BRWD1: variants seen among roughly 807,000 people sequenced by gnomAD.
BRWD1 encodes the protein bromodomain and WD repeat-containing protein 1.
BRWD1 carries 82 observed loss-of-function variants against 251.2 expected under a neutral mutation model. That is an observed-to-expected ratio of 0.33 (90% CI 0.27 to 0.39). The LOEUF (loss-of-function observed/expected upper bound fraction) is 0.39. Among genes scored for constraint, BRWD1 ranks in the 10% least tolerant of loss-of-function variants. BRWD1 has a pLI of 1.00. For synonymous variants in BRWD1, 918 were observed against 902.8 expected, an observed-to-expected ratio of 1.02 and a Z score of -0.30; for missense variants, 2,233 against 2,711.6, an observed-to-expected ratio of 0.82 and a Z score of 3.92.
chr21:39,310,926 C>G (rs2036460386), intron 4 of BRWD1, among the ~76,000 whole-genome samples: 1 of 152,012 alleles, frequency 6.6e-6, no homozygotes, highest in African/African-American at 2.4e-5. Flanking sequence ...ATACCATTAA[C>G]AAAAGAATAA....
At chr21:39,277,137 T>C in intron 11 of BRWD1, 114 bp downstream of exon 11, 2 of 592,658 alleles carry the variant, frequency 3.4e-6, no homozygotes, top group Admixed American at 8.0e-5. Flanking sequence ...ACAGTTCATT[T>C]GTTCAACAGA....
intron 27 of BRWD1, among the ~76,000 whole-genome samples, chr21:39,225,929 T>C (rs1457368797): frequency 6.6e-6 from 1 of 152,146 alleles, no homozygotes; most frequent in Non-Finnish European, 1.5e-5. Context: ...TCCAAATCTC[T>C]AATACCCTAA....
At chr21:39,317,226 T>A (rs1458903112), upstream of BRWD1, 2 of 152,332 alleles carry the variant, frequency 1.3e-5, no homozygotes, top group Non-Finnish European at 2.9e-5. Flanking sequence ...ATCTGTGTAT[T>A]CCTCACACAA....
chr21:39,315,369 C>G (rs2036679912), upstream of BRWD1, among the ~76,000 whole-genome samples: 1 of 151,956 alleles, frequency 6.6e-6, no homozygotes, highest in Non-Finnish European at 1.5e-5. Context: ...TATGGTGGCT[C>G]ACGCCTGTAG....
chr21:39,190,750 T>G lies in BRWD1; in HGVS notation c.*5509A>C. Reference sequence around the variant, plus strand: ...ATAAAATGGTTTCTGTAACTTGCTGTGTTTTTAAACAGTTCCGTTTTCTAG... The same window carrying G: ...ATAAAATGGTTTCTGTAACTTGCTGGGTTTTTAAACAGTTCCGTTTTCTAG... On this transcript the variant is annotated 3_prime_UTR_variant, in exon 41 of 41. Transcript: ENST00000342449. 5 of 985,422 alleles carry G rather than the reference T, an allele frequency of 5.1e-6. No homozygotes were observed. Among genetic ancestry groups the G allele is most frequent in the Non-Finnish European group, 6.0e-6 (5 of 829,908 alleles). The allele number at this position is 985,422 out of a possible 1,614,324, so 61.0% of individuals were successfully genotyped here.
intron 21 of BRWD1, among the ~76,000 whole-genome samples, chr21:39,242,680 T>A (rs1322420857): frequency 1.3e-5 from 2 of 152,172 alleles, no homozygotes; most frequent in Non-Finnish European, 2.9e-5. Flanking sequence ...ACAGGCTCAC[T>A]CTCTTGTTAG....
chr21:39,229,222 G>C (rs2033508485), intron 26 of BRWD1, 90 bp downstream of exon 26: 4 of 1,154,480 alleles, frequency 3.5e-6, no homozygotes, highest in Non-Finnish European at 5.0e-6. Flanking sequence ...CAGTTACCCT[G>C]GAGTTAAATG....
rs1568857017 is a variant in BRWD1 at position 39,199,393 on chromosome 21, AT to A, written c.5022del (p.Leu1674PhefsTer11). ...RNASAVARKK[L>X]LHNSEDEQSL... The stretch of plus-strand genomic sequence containing the variant: ...CTCTGTTCATCTTCAGAATTATGTA[AT>A]AACTTTTTTCTAGCTACAGCAGAAG... On this transcript the variant is annotated frameshift_variant, in exon 40 of 41. Transcript: ENST00000342449. LOFTEE classifies it high-confidence loss of function. The A allele has an allele frequency of 6.2e-7, 1 of 1,614,220 alleles. No homozygotes were observed. The highest frequency in any genetic ancestry group is 1.1e-5 in the South Asian group (1 of 91,076).
chr21:39,281,879 A>AAAAAT (rs571089151), intron 8 of BRWD1, among the ~76,000 whole-genome samples: 1 of 83,184 alleles, frequency 1.2e-5, no homozygotes, highest in African/African-American at 4.7e-5. Flanking sequence ...TACCAAAAAA[A>AAAAAT]ATATATATAT....
At chr21:39,271,967 A>G (rs1425505970) in intron 13 of BRWD1, among the ~76,000 whole-genome samples, 1 of 138,692 alleles carries the variant, frequency 7.2e-6, no homozygotes, top group African/African-American at 2.7e-5. Flanking sequence ...TGAACCCAGG[A>G]GGCGAAGGTT....
In BRWD1 at chr21:39,191,954, G is replaced by GTA; in HGVS notation, c.*4303_*4304dup. On this transcript the variant is annotated 3_prime_UTR_variant, in exon 41 of 41. Transcript: ENST00000342449. ...GTCTTGCCATACTTGAGAAACAGATGTATAGTCTAATTATTTACATGTTGC... is the reference window on the plus strand; with the variant it reads ...GTCTTGCCATACTTGAGAAACAGATGTATATAGTCTAATTATTTACATGTTGC... The GTA allele has an allele frequency of 1.0e-6, 1 of 984,994 alleles. No homozygotes were observed. Among genetic ancestry groups the GTA allele is most frequent in the Non-Finnish European group, 1.2e-6 (1 of 829,598 alleles). 61.0% of individuals were successfully genotyped at this position (984,994 alleles called of 1,614,324 possible). A position where few individuals can be genotyped will look rare whatever the true frequency, so the allele number is the denominator to read the frequency against.
At position 39,232,365 on chromosome 21, in the gene BRWD1, A is replaced by G. The variant is rs1368601655; in HGVS notation, c.2892+8T>C. On this transcript the variant is annotated splice_region_variant and intron_variant, in intron 24 of 40. Transcript: ENST00000342449. ...ATATTCGTGTTTTTAAATTTGTATT[A>G]CTCTCACCTCATCACCCATTTGAGG... 1.9e-6 allele frequency: 3 copies of G among 1,598,878 alleles called. No homozygotes were observed. The highest frequency in any genetic ancestry group is 2.6e-6 in the Non-Finnish European group (3 of 1,175,956).
intron 21 of BRWD1, among the ~76,000 whole-genome samples, chr21:39,244,431 T>C (rs1326245226): frequency 7.1e-6 from 1 of 139,920 alleles, no homozygotes; most frequent in Admixed American, 7.1e-5. Flanking sequence ...CTCAGTTTCC[T>C]CATTTTTAAA....
rs2146678159 is a variant in BRWD1, at chr21:39,272,213, T to A, written c.1245-1780A>T. ...TCTTTGGGAGGGCGACGCGGGTGGA[T>A]CACGAGGTCAGGAGATCAAGACCAT... On this transcript the variant is annotated intron_variant, in intron 13 of 40. Transcript: ENST00000342449. 2.0e-5 allele frequency among the ~76,000 whole-genome samples: 3 copies of A among 149,364 alleles called. No individual in the cohort carries two copies. In the South Asian group the frequency reaches 6.3e-4, roughly 31 times the overall value.
Position 39,250,995 on chromosome 21 carries a change from T to C in BRWD1, c.2256-106A>G, listed in dbSNP as rs987785662. The C allele has an allele frequency of 6.1e-6, 4 of 658,256 alleles. No homozygotes were observed. The African/African-American group carries it at 7.7e-5, about 13-fold the overall frequency. The allele number at this position is 658,256 out of a possible 1,614,324, so 40.8% of individuals were successfully genotyped here. On this transcript the variant is annotated intron_variant, in intron 19 of 40. Transcript: ENST00000342449. ...TTCTATAAATCATAAGTTTATGTAC[T>C]TTAAAAATACACAAAATCTCTGAAG... is the stretch of plus-strand genomic sequence containing the variant.
chr21:39,314,417 T>TG (rs761036705), upstream of BRWD1: 1 of 441,074 alleles, frequency 2.3e-6, no homozygotes, highest in South Asian at 1.6e-5. Flanking sequence ...CATCCAAGCA[T>TG]GGACAGGAAA....
intron 21 of BRWD1, 21 bp from the exon 22 acceptor site, chr21:39,238,594 A>G: frequency 6.5e-7 from 1 of 1,550,038 alleles, no homozygotes; most frequent in Non-Finnish European, 8.9e-7. Flanking sequence ...AAGGGGGGAA[A>G]AAAATCTTGA....
chr21:39,195,057 T>G lies in BRWD1; in HGVS notation c.*1202A>C, dbSNP rs2031740635. 7.7e-7 allele frequency: 1 copy of G among 1,290,358 alleles called. No individual in the cohort carries two copies. Among genetic ancestry groups the G allele is most frequent in the African/African-American group, 1.5e-5 (1 of 65,992 alleles). The allele number at this position is 1,290,358 out of a possible 1,614,324, so 79.9% of individuals were successfully genotyped here. A position where few individuals can be genotyped will look rare whatever the true frequency, so the allele number is the denominator to read the frequency against. ...GGTTAGAAAATAAGTGTACTATTTG[T>G]GTGATAAACTTTCACTTTAAATGGA... On this transcript the variant is annotated 3_prime_UTR_variant, in exon 41 of 41. Transcript: ENST00000342449.
chr21:39,314,408 A>G (rs1036602120), upstream of BRWD1: 4 of 447,158 alleles, frequency 8.9e-6, no homozygotes, highest in African/African-American at 4.0e-5. Flanking sequence ...GGCTGGATCC[A>G]TCCAAGCATG....
Sources: gnomAD v4.1 joint callset for allele counts (sites outside exome capture counted in the v4.1 genomes callset) on GRCh38, gnomAD v4.1.1 for gene constraint, MANE v1.5 for transcripts, NCBI Gene and HGNC (gene_info 2026-07-23, HGNC 2026-07-21) for gene names.